SFXN2: variants seen among roughly 807,000 people sequenced by gnomAD.
The protein encoded by SFXN2 is sideroflexin 2, also known as sideroflexin-2.
Under a neutral mutation model 41.9 loss-of-function variants are expected in SFXN2, and 37 were observed. The ratio of observed to expected loss-of-function variants is 0.88; its 90% CI spans 0.68 to 1.16. The LOEUF is 1.16. SFXN2 is among the 50% of genes most tolerant of loss of function. The pLI, the probability that SFXN2 is intolerant of heterozygous loss-of-function variation, is 0.00. For missense variants in SFXN2, 386 were observed against 425.2 expected, an observed-to-expected ratio of 0.91 and a Z score of 0.81; for synonymous variants, 150 against 156.7, an observed-to-expected ratio of 0.96 and a Z score of 0.32.
At position 102,737,655 on chromosome 10, in the gene SFXN2, CT is replaced by C. The variant is rs1229364207; in HGVS notation, c.870-4del. ...TGGCATGCTCATAATCCACTTCTCT[CT>C]TTTCAGTGAATTGCCAGTTTCCTAT... On this transcript the variant is annotated splice_region_variant and splice_polypyrimidine_tract_variant and intron_variant, in intron 11 of 11. Transcript: ENST00000369893. 2.5e-6 allele frequency: 4 copies of C among 1,598,740 alleles called. No homozygotes were observed. The Admixed American group carries it at 6.7e-5, about 27-fold the overall frequency.
At chr10:102,729,104 G>A (rs1021652965) in intron 4 of SFXN2, among the ~76,000 whole-genome samples, 1 of 152,234 alleles carries the variant, frequency 6.6e-6, no homozygotes, top group Non-Finnish European at 1.5e-5. Context: ...AGGCTCCGAG[G>A]CAGGGAGGAA....
In SFXN2 at chr10:102,737,706, A is replaced by T. The variant is rs1175213027; in HGVS notation, c.913A>T (p.Ile305Phe). 53 of 1,613,302 alleles carry T rather than the reference A, an allele frequency of 3.3e-5. 1 individual carries two copies. The Admixed American group carries it at 8.8e-4, about 27-fold the overall frequency. The stretch of plus-strand genomic sequence containing the variant: ...TCTGGAACCGAAGCTCCAAGACACT[A>T]TCAAGGCCAAGTATGGAGAACTTGA... Reference protein sequence around the residue: ...SYLEPKLQDTIKAKYGELEPY... With the variant: ...SYLEPKLQDTFKAKYGELEPY... Residue 305 changes from isoleucine (I) to phenylalanine (F), a missense_variant, in exon 12 of 12, where the codon ATC (isoleucine) becomes TTC (phenylalanine). By Grantham distance (21) the Ile-to-Phe change is conservative. Coordinates refer to ENST00000369893, the MANE Select transcript of SFXN2 (RefSeq NM_178858.6).
rs895259753 is a variant in SFXN2, at chr10:102,734,039, C to T, written c.821+436C>T. ...AGTAGCTGGGATTACAGGCACGCAC[C>T]ATGATGCCTTGCTAATTTTTGTATT... is the stretch of plus-strand genomic sequence containing the variant. On this transcript the variant is annotated intron_variant, in intron 10 of 11. Transcript: ENST00000369893. This position sits in a 1 kb window ranked among gnomAD's most constrained non-coding sequence, Gnocchi z 4.1. Among the ~76,000 whole-genome samples the T allele has an allele frequency of 6.6e-6, 1 of 152,144 alleles. No homozygotes were observed. Among genetic ancestry groups the T allele is most frequent in the Non-Finnish European group, 1.5e-5 (1 of 68,036 alleles).
chr10:102,722,629 C>T (rs2064524444), intron 1 of SFXN2, among the ~76,000 whole-genome samples: 2 of 151,904 alleles, frequency 1.3e-5, no homozygotes. Context: ...TAGCCTTAGC[C>T]TCCCAGACTC....
chr10:102,729,220 C>G (rs2064660656), intron 4 of SFXN2, 99 bp from the exon 5 acceptor site: 2 of 1,127,862 alleles, frequency 1.8e-6, no homozygotes, highest in East Asian at 4.8e-5. Context: ...GTGCGGTTTT[C>G]ACGCACGAAG....
At chr10:102,728,305 A>G (rs958338466) in intron 3 of SFXN2, 126 bp from the exon 4 acceptor site, 2 of 748,316 alleles carry the variant, frequency 2.7e-6, no homozygotes, top group Non-Finnish European at 4.6e-6. Context: ...TCTCAAAAAA[A>G]TAAAAATAAA....
chr10:102,720,816 G>T (rs1380641139), intron 1 of SFXN2, among the ~76,000 whole-genome samples: 1 of 152,080 alleles, frequency 6.6e-6, no homozygotes, highest in Admixed American at 6.6e-5. Context: ...TCCCTCTCTG[G>T]TATATTCCAG....
Position 102,729,299 on chromosome 10 carries a change from G to A in SFXN2, c.432-20G>A, listed in dbSNP as rs758071291. 7 of 1,612,946 alleles carry A rather than the reference G, an allele frequency of 4.3e-6. No homozygotes were observed. The highest frequency in any genetic ancestry group is 1.7e-5 in the Admixed American group (1 of 59,940). ...CAGCCGGCAGGGGCCCCACTCCCAA[G>A]CATCTCTCTCCTCCCCCAGGCAGAT... On this transcript the variant is annotated intron_variant, in intron 4 of 11. Coordinates refer to ENST00000369893, the MANE Select transcript of SFXN2 (RefSeq NM_178858.6).
chr10:102,730,700 C>T (rs1257440774), intron 6 of SFXN2, among the ~76,000 whole-genome samples: 2 of 152,218 alleles, frequency 1.3e-5, no homozygotes, highest in Non-Finnish European at 2.9e-5. Context: ...CCTGTAATCC[C>T]AGCACTTTGG....
chr10:102,729,627 G>A, intron 5 of SFXN2, 96 bp from the exon 6 acceptor site: 1 of 1,325,210 alleles, frequency 7.5e-7, no homozygotes, highest in South Asian at 1.2e-5. Flanking sequence ...CGGTAGCAAG[G>A]CCTAGTTTTC....
At chr10:102,733,456 G>C (rs2064732044) in intron 9 of SFXN2, 98 bp from the exon 10 acceptor site, 1 of 994,892 alleles carries the variant, frequency 1.0e-6, no homozygotes, top group Admixed American at 1.9e-5. Flanking sequence ...CCACCTGTGG[G>C]CTTTTCTAGC....
At position 102,728,424 on chromosome 10, in the gene SFXN2, C is replaced by T; in HGVS notation, c.333-7C>T. ...TCTCTGCCTCTCCTGGCCTTCCTCACTGGTAGGACGATGCCGGCGGTGATC... is the reference window on the plus strand; with the variant it reads ...TCTCTGCCTCTCCTGGCCTTCCTCATTGGTAGGACGATGCCGGCGGTGATC... On this transcript the variant is annotated splice_polypyrimidine_tract_variant and splice_region_variant and intron_variant, in intron 3 of 11. Coordinates refer to ENST00000369893, the MANE Select transcript of SFXN2 (RefSeq NM_178858.6). The T allele has an allele frequency of 6.2e-7, 1 of 1,613,930 alleles. No individual in the cohort carries two copies. The highest frequency in any genetic ancestry group is 1.3e-5 in the African/African-American group (1 of 75,058).
chr10:102,729,663 C>A, intron 5 of SFXN2, 60 bp from the exon 6 acceptor site: 1 of 1,512,034 alleles, frequency 6.6e-7, no homozygotes, highest in Admixed American at 1.8e-5. Context: ...TCGTTCAGCC[C>A]CCTCCCCTCC....
chr10:102,728,072 G>C (rs1184952878), intron 3 of SFXN2, among the ~76,000 whole-genome samples: 2 of 152,178 alleles, frequency 1.3e-5, no homozygotes, highest in Non-Finnish European at 2.9e-5. Context: ...GCCAAGGCGG[G>C]TGGATTACTT....
chr10:102,735,882 T>A lies in SFXN2; in HGVS notation c.842T>A (p.Val281Glu), dbSNP rs746550907. Residue 281 changes from valine (V) to glutamate (E), a missense_variant, in exon 11 of 12, where the codon GTG becomes GAG. Coordinates refer to ENST00000369893, the MANE Select transcript of SFXN2 (RefSeq NM_178858.6). ...SGCFLIFMVP[V>E]ACGLFPQKCE... ...TGCAGCCTCATCTTCATGGTGCCAGTGGCGTGTGGGCTTTTCCCACAGAAA... is the reference window on the plus strand; with the variant it reads ...TGCAGCCTCATCTTCATGGTGCCAGAGGCGTGTGGGCTTTTCCCACAGAAA... The A allele has an allele frequency of 3.1e-6, 5 of 1,614,164 alleles. No homozygotes were observed. Among genetic ancestry groups the A allele is most frequent in the Non-Finnish European group, 4.2e-6 (5 of 1,180,018 alleles).
At chr10:102,724,435 G>A (rs2064558123) in intron 1 of SFXN2, among the ~76,000 whole-genome samples, 1 of 152,154 alleles carries the variant, frequency 6.6e-6, no homozygotes, top group Non-Finnish European at 1.5e-5. Context: ...TGGACGTGGT[G>A]GCTCACGCCT....
At chr10:102,728,328 G>T in intron 3 of SFXN2, 103 bp from the exon 4 acceptor site, 1 of 878,854 alleles carries the variant, frequency 1.1e-6, no homozygotes, top group South Asian at 1.3e-5. Context: ...ACTAGTATGG[G>T]AACAGTGTGG....
At chr10:102,726,476 T>C (rs1454545421) in intron 1 of SFXN2, 136 bp from the exon 2 acceptor site, 4 of 836,814 alleles carry the variant, frequency 4.8e-6, no homozygotes, top group Non-Finnish European at 7.4e-6. Context: ...GACCATTCAC[T>C]TGGGCCCTCC....
intron 1 of SFXN2, among the ~76,000 whole-genome samples, chr10:102,719,524 C>T (rs1057304044): frequency 2.0e-5 from 3 of 152,164 alleles, no homozygotes; most frequent in South Asian, 2.1e-4. Flanking sequence ...CCACTGTGCC[C>T]GGCCTTGGCT....
Sources: allele counts gnomAD v4.1 joint callset (sites outside exome capture counted in the v4.1 genomes callset), GRCh38; gene constraint gnomAD v4.1.1; non-coding constraint Gnocchi (gnomAD v3.1); transcripts MANE v1.5; gene names NCBI Gene and HGNC (gene_info 2026-07-23, HGNC 2026-07-21).